The following CDH12 variants were observed in gnomAD, a reference collection of about 807,000 sequenced individuals.
CDH12 encodes the protein cadherin-12.
In CDH12, 41 loss-of-function variants were observed where a neutral mutation model predicts 74.1. The observed-to-expected ratio is 0.55, with a 90% CI of 0.43 to 0.72. The LOEUF is 0.72. Ranked by LOEUF, CDH12 falls within the 30% of genes least tolerant of loss-of-function variation. The pLI is 0.00. For missense variants in CDH12, 945 were observed against 977.2 expected (o/e 0.97, Z 0.44); for synonymous variants, 399 against 355.0 (o/e 1.12, Z -1.39).
chr5:22,440,378 T>C (rs924783384), intron 2 of CDH12, among the ~76,000 whole-genome samples: 5 of 152,100 alleles, frequency 3.3e-5, no homozygotes, highest in Non-Finnish European at 7.4e-5. Flanking sequence ...AGAACAAATA[T>C]TATTCAGAAT....
rs575115245 is a variant in CDH12 at position 22,785,702 on chromosome 5, G to A, written c.-523+67356C>T. ...CTGGCTAATTTTTGCACCTTTTGTA[G>A]AGATGGGGTTTCGCCATGTTGCCAA... On this transcript the variant is annotated intron_variant, in intron 1 of 14. Transcript: ENST00000382254. Among the ~76,000 whole-genome samples the A allele has an allele frequency of 3.9e-5, 6 of 152,162 alleles. No homozygotes were observed. The South Asian group carries it at 1.2e-3, about 32-fold the overall frequency.
rs909399091 is a variant in CDH12 at position 22,006,187 on chromosome 5, A to AT, written c.232-30803dup. The stretch of plus-strand genomic sequence containing the variant: ...GTTTCAGGCCACCTCTCTTCTTTTA[A>AT]TTTTTTTTTTAATATAGATGGGGGT... On this transcript the variant is annotated intron_variant, in intron 5 of 14. Coordinates refer to ENST00000382254, the MANE Select transcript of CDH12 (RefSeq NM_004061.5). 3.5e-3 allele frequency among the ~76,000 whole-genome samples: 523 copies of AT among 148,590 alleles called. 4 individuals are homozygous for AT. Among genetic ancestry groups the AT allele is most frequent in the African/African-American group, 0.011 (459 of 40,434 alleles).
At chr5:22,476,554 G>T (rs921552290) in intron 2 of CDH12, among the ~76,000 whole-genome samples, 2 of 151,974 alleles carry the variant, frequency 1.3e-5, no homozygotes, top group Non-Finnish European at 2.9e-5. Flanking sequence ...TCACAATCCT[G>T]CTACCCTTCT....
chr5:22,203,177 C>A (rs961685749), intron 4 of CDH12, among the ~76,000 whole-genome samples: 1 of 152,118 alleles, frequency 6.6e-6, no homozygotes, highest in African/African-American at 2.4e-5. Flanking sequence ...CCATGCTGTG[C>A]AATGGAATAC....
At chr5:22,426,447 T>C (rs1743944433) in intron 2 of CDH12, among the ~76,000 whole-genome samples, 1 of 152,104 alleles carries the variant, frequency 6.6e-6, no homozygotes, top group Non-Finnish European at 1.5e-5. Context: ...TTTCTATTTA[T>C]AACTACCTTA....
intron 4 of CDH12, among the ~76,000 whole-genome samples, chr5:22,185,551 C>T (rs780318605): frequency 1.3e-5 from 2 of 152,168 alleles, no homozygotes; most frequent in Non-Finnish European, 2.9e-5. Flanking sequence ...AAGACTTTTA[C>T]CTTGCCATTC....
chr5:21,953,855 A>T (rs1181185753), intron 6 of CDH12, among the ~76,000 whole-genome samples: 2 of 152,084 alleles, frequency 1.3e-5, no homozygotes, highest in Non-Finnish European at 2.9e-5. Context: ...TTATTTAAGA[A>T]AAAAAATTAG....
chr5:22,730,433 G>C (rs1018300346), intron 1 of CDH12, among the ~76,000 whole-genome samples: 7 of 151,770 alleles, frequency 4.6e-5, no homozygotes, highest in African/African-American at 1.5e-4. Context: ...GTAGGCAGTA[G>C]ACAATGTCAG....
rs930175630 is a variant in CDH12, at chr5:22,222,286, C to T, written c.-332-9643G>A. On this transcript the variant is annotated intron_variant, in intron 3 of 14. Transcript: ENST00000382254. ...TGAAAAGCTATCACAATTTACCACA[C>T]CGGAACTATTTTCATTTAGTAAAGT... Among the ~76,000 whole-genome samples the T allele has an allele frequency of 2.6e-5, 4 of 151,940 alleles. 1 individual carries two copies. Among genetic ancestry groups the T allele is most frequent in the Admixed American group, 1.3e-4 (2 of 15,188 alleles).
intron 4 of CDH12, among the ~76,000 whole-genome samples, chr5:22,200,662 C>A (rs1186564049): frequency 1.3e-5 from 2 of 152,168 alleles, no homozygotes; most frequent in South Asian, 4.1e-4. Context: ...TGTTCTCTGA[C>A]ATTTCATCAA....
chr5:22,457,870 G>A (rs1050329229), intron 2 of CDH12, among the ~76,000 whole-genome samples: 3 of 152,128 alleles, frequency 2.0e-5, no homozygotes, highest in East Asian at 1.9e-4. Context: ...TCAGTCTCCC[G>A]AGTAGCTGGG....
At chr5:22,193,018 G>A (rs1033320446) in intron 4 of CDH12, among the ~76,000 whole-genome samples, 2 of 152,028 alleles carry the variant, frequency 1.3e-5, no homozygotes, top group African/African-American at 4.8e-5. Flanking sequence ...ATACTGGAAT[G>A]GAGTGTGGAA....
At chr5:22,613,872 A>G (rs1737547108) in intron 1 of CDH12, among the ~76,000 whole-genome samples, 1 of 152,076 alleles carries the variant, frequency 6.6e-6, no homozygotes, top group Admixed American at 6.6e-5. Context: ...GATTGTAGCT[A>G]AAAAAATGTT....
intron 1 of CDH12, among the ~76,000 whole-genome samples, chr5:22,715,718 T>C (rs959538037): frequency 6.6e-6 from 1 of 150,834 alleles, no homozygotes; most frequent in Non-Finnish European, 1.5e-5. Flanking sequence ...GGAGAATCGC[T>C]TGAACCCAGG....
At chr5:22,326,325 C>T (rs975332539) in intron 3 of CDH12, among the ~76,000 whole-genome samples, 1 of 152,056 alleles carries the variant, frequency 6.6e-6, no homozygotes, top group Admixed American at 6.5e-5. Flanking sequence ...GGCTCCGCCC[C>T]CCGGGGTTCA....
At chr5:22,047,731 C>T (rs1256097697) in intron 5 of CDH12, among the ~76,000 whole-genome samples, 1 of 152,172 alleles carries the variant, frequency 6.6e-6, no homozygotes, top group Non-Finnish European at 1.5e-5. Flanking sequence ...CCAAAGTCCA[C>T]TTAATACATC....
intron 1 of CDH12, among the ~76,000 whole-genome samples, chr5:22,817,920 AG>A: frequency 6.6e-6 from 1 of 152,278 alleles, no homozygotes; most frequent in Non-Finnish European, 1.5e-5. Context: ...GCATGCCGTT[AG>A]TTATATTCCA....
intron 2 of CDH12, among the ~76,000 whole-genome samples, chr5:22,501,731 C>A (rs955938027): frequency 7.1e-6 from 1 of 141,462 alleles, no homozygotes; most frequent in African/African-American, 2.8e-5. Context: ...TTTAGTTATG[C>A]CTTACAAAGT....
At chr5:22,302,363 TAA>T (rs941801862) in intron 3 of CDH12, among the ~76,000 whole-genome samples, 4 of 152,172 alleles carry the variant, frequency 2.6e-5, no homozygotes, top group African/African-American at 9.6e-5. Context: ...CATGTATATA[TAA>T]GTGTGATAAA....
Sources: gnomAD v4.1 joint callset for allele counts (sites outside exome capture counted in the v4.1 genomes callset) on GRCh38, gnomAD v4.1.1 for gene constraint, MANE v1.5 for transcripts, NCBI Gene and HGNC (gene_info 2026-07-23, HGNC 2026-07-21) for gene names.